MFN2: variants seen among roughly 807,000 people sequenced by gnomAD.
MFN2 encodes mitofusin-2.
A neutral mutation model predicts 87.5 loss-of-function variants in MFN2; 43 were observed. The observed-to-expected ratio is 0.49, with a 90% CI of 0.38 to 0.63. The LOEUF (loss-of-function observed/expected upper bound fraction) is 0.63, where lower values mean the gene tolerates loss of function less well. Among genes scored for constraint, MFN2 ranks in the 30% least tolerant of loss-of-function variants. MFN2 has a pLI of 0.00. For missense variants in MFN2, 743 were observed against 972.8 expected (o/e 0.76, Z 3.14); for synonymous variants, 337 against 359.9 (o/e 0.94, Z 0.72).
intron 18 of MFN2, among the ~76,000 whole-genome samples, chr1:12,010,854 C>T (rs1188840955): frequency 2.6e-5 from 4 of 152,114 alleles, no homozygotes; most frequent in East Asian, 1.9e-4. Context: ...CAGAAGTCCT[C>T]GGCCTGCCTA....
chr1:11,992,503 C>T, intron 3 of MFN2, 52 bp from the exon 4 acceptor site: 1 of 1,612,846 alleles, frequency 6.2e-7, no homozygotes, highest in Non-Finnish European at 8.5e-7. Flanking sequence ...AGACTTGGGA[C>T]TGTGGAACTC....
At chr1:12,011,298 T>C (rs1639682239) in intron 18 of MFN2, among the ~76,000 whole-genome samples, 198 bp from the exon 19 acceptor site, 1 of 152,202 alleles carries the variant, frequency 6.6e-6, no homozygotes, top group Non-Finnish European at 1.5e-5. Flanking sequence ...GCTCCCTGGC[T>C]TATTAGCCGT....
chr1:11,997,285 C>T lies in MFN2; in HGVS notation c.475-12C>T. On this transcript the variant is annotated splice_polypyrimidine_tract_variant and intron_variant, in intron 5 of 18. Coordinates refer to ENST00000235329, the MANE Select transcript of MFN2 (RefSeq NM_014874.4). ...CCTCCTCAGCCTCTTTCTTTCCTTC[C>T]TCTGCCATCAGACTGTGAACCAGCT... 1 of 1,614,034 alleles carries T rather than the reference C, an allele frequency of 6.2e-7. No homozygotes were observed. The highest frequency in any genetic ancestry group is 8.5e-7 in the Non-Finnish European group (1 of 1,179,996).
At chr1:12,002,284 G>A (rs553562289) in intron 11 of MFN2, among the ~76,000 whole-genome samples, 181 bp downstream of exon 11, 7 of 152,382 alleles carry the variant, frequency 4.6e-5, no homozygotes, top group Middle Eastern at 3.4e-3. Context: ...TGAGGAGGGC[G>A]GCTGGGTGCT....
In MFN2 at chr1:12,013,164, C is replaced by A; in HGVS notation, c.*1599C>A. The A allele has an allele frequency of 1.4e-5, 5 of 349,996 alleles. No individual in the cohort carries two copies. The highest frequency in any genetic ancestry group is 2.8e-5 in the Non-Finnish European group (5 of 178,304). 21.7% of individuals were successfully genotyped at this position (349,996 alleles called of 1,614,324 possible). A position where few individuals can be genotyped will look rare whatever the true frequency, so the allele number is the denominator to read the frequency against. ...AGCATGTCAGGGAAAATCACTGTCA[C>A]ACAATTCCAATGGATTTTGTGCTCT... is the stretch of plus-strand genomic sequence containing the variant. On this transcript the variant is annotated 3_prime_UTR_variant, in exon 19 of 19. Transcript: ENST00000235329.
chr1:11,984,561 C>T (rs1410902566), intron 2 of MFN2, among the ~76,000 whole-genome samples: 1 of 152,186 alleles, frequency 6.6e-6, no homozygotes, highest in East Asian at 1.9e-4. Context: ...CTATCCACAG[C>T]CCTTGTTATG....
At chr1:12,002,164 T>C in intron 11 of MFN2, 61 bp downstream of exon 11, 1 of 1,612,986 alleles carries the variant, frequency 6.2e-7, no homozygotes, top group East Asian at 2.2e-5. Context: ...GCTCCACCCC[T>C]GCCTTGGGCA....
chr1:11,991,361 C>T (rs79860385), intron 3 of MFN2, among the ~76,000 whole-genome samples: 2,974 of 152,114 alleles, frequency 0.02, 88 homozygotes, highest in African/African-American at 0.067. Context: ...AGAAGGGGTC[C>T]GGGGTCCTGA....
chr1:12,005,989 C>G (rs1639393522), intron 15 of MFN2, 58 bp downstream of exon 15: 9 of 1,532,670 alleles, frequency 5.9e-6, no homozygotes, highest in Admixed American at 5.0e-5. Context: ...ACCCTGCCTC[C>G]AGACACGGGA....
At chr1:11,988,500 A>G (rs1315120264) in intron 2 of MFN2, among the ~76,000 whole-genome samples, 1 of 151,260 alleles carries the variant, frequency 6.6e-6, no homozygotes, top group Non-Finnish European at 1.5e-5. Flanking sequence ...TGGCCTCTCA[A>G]AGTGCTGGGA....
intron 4 of MFN2, among the ~76,000 whole-genome samples, chr1:11,995,126 A>G (rs1218363981): frequency 6.6e-6 from 1 of 152,042 alleles, no homozygotes; most frequent in South Asian, 2.1e-4. Context: ...TAGTCTATAT[A>G]TAGGTGGTAC....
Position 12,001,394 on chromosome 1 carries a change from G to A in MFN2, c.817-7G>A, listed in dbSNP as rs769298272. ...ACTCACTCTGGACACATTTGTTTGG[G>A]CTCCAGGTGCGGCGGCAGCACATGG... On this transcript the variant is annotated splice_polypyrimidine_tract_variant and splice_region_variant and intron_variant, in intron 8 of 18. Coordinates refer to ENST00000235329, the MANE Select transcript of MFN2 (RefSeq NM_014874.4). 2 of 1,613,168 alleles carry A rather than the reference G, an allele frequency of 1.2e-6. No individual in the cohort carries two copies. Among genetic ancestry groups the A allele is most frequent in the Admixed American group, 3.3e-5 (2 of 59,954 alleles).
rs770361817 is a variant in MFN2, at chr1:12,007,200, C to A, written c.2020C>A (p.Gln674Lys). The A allele has an allele frequency of 1.9e-6, 3 of 1,614,040 alleles. No homozygotes were observed. The highest frequency in any genetic ancestry group is 2.5e-6 in the Non-Finnish European group (3 of 1,180,048). Residue 674 changes from glutamine to lysine, a missense_variant, in exon 17 of 19, where the codon CAG becomes AAG. Gln to Lys is a moderately conservative substitution (Grantham distance 53). Around this residue, in one of 3 missense-constraint regions of MFN2, gnomAD observed 571 missense variants for 670.7 expected, o/e 0.85. Coordinates refer to ENST00000235329, the MANE Select transcript of MFN2 (RefSeq NM_014874.4). Reference protein sequence around the residue: ...QFVEHASEKLQLVISYTGSNC... With the variant: ...QFVEHASEKLKLVISYTGSNC... ...TGTGGAGCATGCCAGCGAGAAGCTG[C>A]AGCTTGTCATCAGCTACACTGGCTC...
intron 6 of MFN2, among the ~76,000 whole-genome samples, chr1:11,998,051 A>G (rs1274318815): frequency 3.3e-5 from 5 of 150,190 alleles, no homozygotes; most frequent in South Asian, 2.1e-4. Context: ...GCCTGGCTAA[A>G]TTTTGTATTT....
At chr1:12,001,870 G>C (rs1365192234) in intron 10 of MFN2, 34 bp downstream of exon 10, 29 of 1,613,648 alleles carry the variant, frequency 1.8e-5, no homozygotes, top group Non-Finnish European at 2.4e-5. Context: ...TGGCGATTCT[G>C]TGCCTCCCCA....
Position 11,989,273 on chromosome 1 carries a change from CAAG to C in MFN2, c.113_115del (p.Lys38del), listed in dbSNP as rs1478175861. ...CCCCACTTAAGCACTTTGTCACTGC[CAAG>C]AAGAAGATCAATGGCATTTTTGAGC... On this transcript the variant is annotated inframe_deletion, in exon 3 of 19. Transcript: ENST00000235329. 5 of 1,613,902 alleles carry C rather than the reference CAAG, an allele frequency of 3.1e-6. No homozygotes were observed. Among genetic ancestry groups the C allele is most frequent in the African/African-American group, 1.3e-5 (1 of 74,842 alleles).
In MFN2 at chr1:11,995,851, GAGAC is replaced by G. The variant is rs1010237107; in HGVS notation, c.312-294_312-291del. ...TCAGGTAGGCCTGAATTAAACTTTGGAGACAGACAGACAGTCTCTATAAGTGTTG... is the reference window on the plus strand; with the variant it reads ...TCAGGTAGGCCTGAATTAAACTTTGGAGACAGACAGTCTCTATAAGTGTTG... On this transcript the variant is annotated intron_variant, in intron 4 of 18. Coordinates refer to ENST00000235329, the MANE Select transcript of MFN2 (RefSeq NM_014874.4). Among the ~76,000 whole-genome samples, 36 of 152,144 alleles carry G rather than the reference GAGAC, an allele frequency of 2.4e-4. 1 individual carries two copies. Among genetic ancestry groups the G allele is most frequent in the Non-Finnish European group, 3.7e-4 (25 of 68,014 alleles).
At position 12,004,649 on chromosome 1, in the gene MFN2, G is replaced by A. The variant is rs1639323965; in HGVS notation, c.1392+36G>A. On this transcript the variant is annotated intron_variant, in intron 13 of 18. Coordinates refer to ENST00000235329, the MANE Select transcript of MFN2 (RefSeq NM_014874.4). This position sits in a 1 kb window ranked among gnomAD's most constrained non-coding sequence, Gnocchi z 4.2. ...GAGCAACAGGTCCTCTTGGCAGGAG[G>A]CCCCCAAAAGTGATTCAACCCCTGT... The A allele has an allele frequency of 2.5e-6, 4 of 1,593,688 alleles. No individual in the cohort carries two copies. Among genetic ancestry groups the A allele is most frequent in the Non-Finnish European group, 3.4e-6 (4 of 1,161,730 alleles).
intron 4 of MFN2, 26 bp from the exon 5 acceptor site, chr1:11,996,130 T>C: frequency 6.2e-7 from 1 of 1,614,128 alleles, no homozygotes; most frequent in South Asian, 1.1e-5. Context: ...CTGGTGGCTT[T>C]GCTGACAGCT....
Sources: gnomAD v4.1 joint callset for allele counts (sites outside exome capture counted in the v4.1 genomes callset) on GRCh38, gnomAD v4.1.1 for gene constraint, gnomAD v4.1.1 regional missense constraint, Gnocchi (gnomAD v3.1) non-coding constraint, MANE v1.5 for transcripts, NCBI Gene and HGNC (gene_info 2026-07-23, HGNC 2026-07-21) for gene names.